Variants in PRCD observed in about 807,000 individuals in gnomAD.
PRCD encodes photoreceptor disc component, also known as photoreceptor disk component PRCD.
PRCD carries 12 observed loss-of-function variants against 10.1 expected under a neutral mutation model. That is an observed-to-expected ratio of 1.18 (90% confidence interval 0.76 to 1.92). PRCD has a LOEUF of 1.92. Ranked by LOEUF, PRCD falls within the 40% of genes most tolerant of loss-of-function variation. PRCD has a pLI of 0.00. For missense variants in PRCD, 61 were observed against 72.2 expected (o/e 0.84, Z 0.56); for synonymous variants, 31 against 26.2 (o/e 1.18, Z -0.56).
chr17:76,530,145 T>G lies in PRCD; in HGVS notation n.45+2312T>G. 9.5e-6 allele frequency: 9 copies of G among 947,948 alleles called. No homozygotes were observed. Among genetic ancestry groups the G allele is most frequent in the South Asian group, 4.9e-5 (1 of 20,528 alleles). The allele number at this position is 947,948 out of a possible 1,614,324, so 58.7% of individuals were successfully genotyped here. A position where few individuals can be genotyped will look rare whatever the true frequency, so the allele number is the denominator to read the frequency against. On this transcript the variant is annotated intron_variant and non_coding_transcript_variant, in intron 1 of 4. Transcript: ENST00000397633. The surrounding 1 kb of genome is among the most constrained non-coding windows in gnomAD (Gnocchi z 6.1). ...CGGGAATGTTTCTCTACCACGCGTG[T>G]CCCGGGCTGCTGGCTGACCTCTGCT...
chr17:76,527,986 C>CG (rs1282611822), intron 1 of PRCD: 1 of 362,294 alleles, frequency 2.8e-6, no homozygotes, highest in African/African-American at 2.1e-5. Context: ...AGGTCCTCTG[C>CG]GCTGCTGTGG....
At chr17:76,547,713 A>G (rs1365006861), downstream of PRCD, among the ~76,000 whole-genome samples, 2 of 151,482 alleles carry the variant, frequency 1.3e-5, no homozygotes, top group Admixed American at 1.3e-4. Flanking sequence ...ACACACACAC[A>G]GAGACACATA....
At chr17:76,539,995 A>G (rs139779268), upstream of PRCD, 476 of 806,866 alleles carry the variant, frequency 5.9e-4, 1 homozygote, top group African/African-American at 7.2e-3. Flanking sequence ...CCGCTGACCC[A>G]CTAATCAGCT....
Position 76,540,256 on chromosome 17 carries a change from GGGGGGGGCAT to G in PRCD, c.74+46_74+55del. 4 of 1,210,062 alleles carry G rather than the reference GGGGGGGGCAT, an allele frequency of 3.3e-6. No homozygotes were observed. Among genetic ancestry groups the G allele is most frequent in the Non-Finnish European group, 4.8e-6 (4 of 839,512 alleles). The allele number at this position is 1,210,062 out of a possible 1,614,324, so 75.0% of individuals were successfully genotyped here. On this transcript the variant is annotated intron_variant, in intron 1 of 4. Transcript: ENST00000592014. This position sits in a 1 kb window ranked among gnomAD's most constrained non-coding sequence, Gnocchi z 5.0. Reference sequence around the variant, plus strand: ...GGCTATGGCTGGCGGTTGGTCGGGGGGGGGGGGCATGGGGCTGGGCTGCCACCAAGCTGAA... The same window carrying G: ...GGCTATGGCTGGCGGTTGGTCGGGGGGGGGCTGGGCTGCCACCAAGCTGAA...
At chr17:76,529,288 C>G in intron 1 of PRCD, 3 of 985,414 alleles carry the variant, frequency 3.0e-6, no homozygotes, top group Non-Finnish European at 3.6e-6. Context: ...GATGAGGGGA[C>G]CACCCCACCA....
chr17:76,528,665 C>A lies in PRCD; in HGVS notation n.45+832C>A. 1.2e-5 allele frequency: 15 copies of A among 1,250,228 alleles called. No individual in the cohort carries two copies. Among genetic ancestry groups the A allele is most frequent in the East Asian group, 3.1e-5 (1 of 32,016 alleles). The allele number at this position is 1,250,228 out of a possible 1,614,324, so 77.4% of individuals were successfully genotyped here. ...AACGTTACCAGAGGCAGGGAAGGAC[C>A]CTCGGGGGAAAGGGGGAGGACCTGG... is the stretch of plus-strand genomic sequence containing the variant. On this transcript the variant is annotated intron_variant and non_coding_transcript_variant, in intron 1 of 4. Coordinates refer to the PRCD transcript ENST00000397633. This position sits in a 1 kb window ranked among gnomAD's most constrained non-coding sequence, Gnocchi z 5.8.
chr17:76,539,517 T>C (rs902577419), upstream of PRCD, among the ~76,000 whole-genome samples: 6 of 152,336 alleles, frequency 3.9e-5, no homozygotes, highest in Admixed American at 2.0e-4. Context: ...CCTTCACTGT[T>C]GAGTCTCCCG....
intron 1 of PRCD, chr17:76,551,738 A>T (rs1440961628): frequency 6.6e-6 from 1 of 152,172 alleles, no homozygotes; most frequent in Non-Finnish European, 1.5e-5. Context: ...AAGTCTCTGG[A>T]GTTAAGCAAA....
upstream of PRCD, chr17:76,537,342 GC>G: frequency 6.6e-7 from 1 of 1,505,052 alleles, no homozygotes. Flanking sequence ...GCCCTCCTCT[GC>G]CCGGAGCCGC....
rs2074816125 is a variant in PRCD at position 76,530,025 on chromosome 17, TGAACA to T, written n.45+2196_45+2200del. ...GGACCTCCTCCAGGAGCTGTGCCTG[TGAACA>T]GAAGGGCCGGCAGTCTTGGGGGCCC... On this transcript the variant is annotated intron_variant and non_coding_transcript_variant, in intron 1 of 4. Transcript: ENST00000397633. This position sits in a 1 kb window ranked among gnomAD's most constrained non-coding sequence, Gnocchi z 6.1. 1.0e-6 allele frequency: 1 copy of T among 985,210 alleles called. No individual in the cohort carries two copies. Among genetic ancestry groups the T allele is most frequent in the Non-Finnish European group, 1.2e-6 (1 of 829,882 alleles). The allele number at this position is 985,210 out of a possible 1,614,324, so 61.0% of individuals were successfully genotyped here.
In PRCD at chr17:76,545,142, G is replaced by C. The variant is rs767560756; in HGVS notation, c.*1492G>C. The C allele has an allele frequency of 2.2e-6, 1 of 456,524 alleles. No individual in the cohort carries two copies. The highest frequency in any genetic ancestry group is 2.0e-5 in the African/African-American group (1 of 50,076). The allele number at this position is 456,524 out of a possible 1,614,324, so 28.3% of individuals were successfully genotyped here. On this transcript the variant is annotated 3_prime_UTR_variant, in exon 5 of 5. Coordinates refer to ENST00000592014, the MANE Select transcript of PRCD (RefSeq NM_001077620.3). ...CACCTTCCCCGCACACCCAGCCCACGCTCGCCTCTTATTCCCGGGGCCTCT... is the reference window on the plus strand; with the variant it reads ...CACCTTCCCCGCACACCCAGCCCACCCTCGCCTCTTATTCCCGGGGCCTCT...
Position 76,531,227 on chromosome 17 carries a change from C to T in PRCD, n.45+3394C>T, listed in dbSNP as rs938497325. ...CAGGCCCCTCCGCCCCACGTGTGGC[C>T]GAGAGGATCATTCCTAACGCAACAG... On this transcript the variant is annotated intron_variant and non_coding_transcript_variant, in intron 1 of 4. Coordinates refer to the PRCD transcript ENST00000397633. This position sits in a 1 kb window ranked among gnomAD's most constrained non-coding sequence, Gnocchi z 7.4. The T allele has an allele frequency of 8.0e-5, 114 of 1,425,342 alleles. No homozygotes were observed. The Middle Eastern group carries it at 9.4e-4, about 12-fold the overall frequency. 88.3% of individuals were successfully genotyped at this position (1,425,342 alleles called of 1,614,324 possible).
At chr17:76,539,992 C>G (rs550914395), upstream of PRCD, 1 of 782,030 alleles carries the variant, frequency 1.3e-6, no homozygotes, top group Non-Finnish European at 2.1e-6. Flanking sequence ...GGGCCGCTGA[C>G]CCACTAATCA....
At chr17:76,553,088 C>G (rs537400551) in intron 1 of PRCD, 2 of 151,990 alleles carry the variant, frequency 1.3e-5, no homozygotes, top group East Asian at 3.9e-4. Context: ...GTTCTTTCTT[C>G]TCTCTACTCT....
intron 1 of PRCD, among the ~76,000 whole-genome samples, chr17:76,532,697 A>G (rs2074861713): frequency 6.6e-6 from 1 of 151,482 alleles, no homozygotes; most frequent in Non-Finnish European, 1.5e-5. Context: ...ACGCCCGGCT[A>G]GCTAATTTTT....
At chr17:76,529,633 G>C (rs761008342) in intron 1 of PRCD, 84 of 985,330 alleles carry the variant, frequency 8.5e-5, no homozygotes, top group Non-Finnish European at 9.8e-5. Flanking sequence ...AGCAGAGCCT[G>C]CGTGGGGAGA....
upstream of PRCD, among the ~76,000 whole-genome samples, chr17:76,536,909 A>G (rs1461263252): frequency 6.6e-6 from 1 of 151,462 alleles, no homozygotes; most frequent in Non-Finnish European, 1.5e-5. Context: ...CTCTTTCTCA[A>G]CCTCTGCTCT....
intron 2 of PRCD, among the ~76,000 whole-genome samples, chr17:76,541,002 A>G (rs575634165): frequency 6.6e-5 from 10 of 152,292 alleles, no homozygotes; most frequent in Admixed American, 1.3e-4. Context: ...CCAGTCCCCA[A>G]TAGAAGGCGC....
Position 76,544,667 on chromosome 17 carries a change from C to G in PRCD, c.*1017C>G, listed in dbSNP as rs1198745966. 3 of 456,674 alleles carry G rather than the reference C, an allele frequency of 6.6e-6. No homozygotes were observed. The highest frequency in any genetic ancestry group is 1.3e-5 in the Non-Finnish European group (3 of 226,988). The allele number at this position is 456,674 out of a possible 1,614,324, so 28.3% of individuals were successfully genotyped here. On this transcript the variant is annotated 3_prime_UTR_variant, in exon 5 of 5. Transcript: ENST00000592014. ...TCTCTCTTTGGAGGCATCGGCCTTC[C>G]TGGTGACAGGCCTGTCAGGCTGAGG...
Sources: gnomAD v4.1 joint callset for allele counts (sites outside exome capture counted in the v4.1 genomes callset) on GRCh38, gnomAD v4.1.1 for gene constraint, Gnocchi (gnomAD v3.1) non-coding constraint, MANE v1.5 for transcripts, NCBI Gene and HGNC (gene_info 2026-07-23, HGNC 2026-07-21) for gene names.